The following LRP2 variants were observed in gnomAD, a reference collection of about 807,000 sequenced individuals.
The protein encoded by LRP2 is low-density lipoprotein receptor-related protein 2.
LRP2 carries 172 observed loss-of-function variants against 531.0 expected under a neutral mutation model. That is an observed-to-expected ratio of 0.32 (90% CI 0.29 to 0.37). The LOEUF (loss-of-function observed/expected upper bound fraction) is 0.37. LRP2 is among the 10% of genes least tolerant of loss of function. The pLI is 1.00. For synonymous variants in LRP2, 1,992 were observed against 2,027.6 expected (o/e 0.98, Z 0.47); for missense variants, 5,167 against 5,868.3 (o/e 0.88, Z 3.90).
At chr2:169,140,432 G>A (rs768747806) in intron 72 of LRP2, 23 bp downstream of exon 72, 1 of 1,596,228 alleles carries the variant, frequency 6.3e-7, no homozygotes, top group South Asian at 1.1e-5. Flanking sequence ...GCCTATAGCT[G>A]GGACCTCAAC....
chr2:169,263,414 C>T (rs1471681201), intron 16 of LRP2, among the ~76,000 whole-genome samples: 1 of 151,270 alleles, frequency 6.6e-6, no homozygotes, highest in African/African-American at 2.4e-5. Flanking sequence ...AAACAAACAA[C>T]CCCATCAAAA....
chr2:169,294,343 C>T (rs1047823948), intron 5 of LRP2, 82 bp from the exon 6 acceptor site: 1 of 899,812 alleles, frequency 1.1e-6, no homozygotes, highest in Non-Finnish European at 1.9e-6. Context: ...AAGAGCATCT[C>T]CAGTTTAAAA....
chr2:169,162,646 A>G (rs2105371169), intron 62 of LRP2, 46 bp from the exon 63 acceptor site: 1 of 1,593,048 alleles, frequency 6.3e-7, no homozygotes, highest in Non-Finnish European at 8.6e-7. Flanking sequence ...TCTTTTATGA[A>G]GCAAGATACT....
intron 3 of LRP2, among the ~76,000 whole-genome samples, chr2:169,315,959 C>CAAAAAAAA (rs536458606): frequency 2.6e-3 from 191 of 73,568 alleles, no homozygotes; most frequent in Middle Eastern, 9.3e-3. Context: ...CCCATCTCTA[C>CAAAAAAAA]AAAAAAAAAA....
rs763314996 is a variant in LRP2, at chr2:169,146,953, C to T, written c.12597G>A (p.Met4199Ile). ...AIAVNPKLGL[M>I]FWTDWGKEPK... ...GTTCCTTTCCCCAGTCAGTCCAGAACATAAGCCTATAACAGAAGATTTCTT... is the reference window on the plus strand; with the variant it reads ...GTTCCTTTCCCCAGTCAGTCCAGAATATAAGCCTATAACAGAAGATTTCTT... The change falls in exon 69 of 79, where the codon ATG becomes ATA. Residue 4199 changes from methionine to isoleucine, a missense_variant. Physicochemically the swap from Met to Ile is conservative, Grantham distance 10. Transcript: ENST00000649046. 4 of 1,609,918 alleles carry T rather than the reference C, an allele frequency of 2.5e-6. No individual in the cohort carries two copies. The Admixed American group carries it at 6.7e-5, about 27-fold the overall frequency.
intron 34 of LRP2, among the ~76,000 whole-genome samples, chr2:169,217,915 C>G (rs1449055547): frequency 6.6e-6 from 1 of 152,182 alleles, no homozygotes; most frequent in African/African-American, 2.4e-5. Context: ...TTATCTTTCT[C>G]TAACTTTCCA....
At chr2:169,129,325 A>G (rs1685202702) in intron 77 of LRP2, among the ~76,000 whole-genome samples, 1 of 152,160 alleles carries the variant, frequency 6.6e-6, no homozygotes, top group Non-Finnish European at 1.5e-5. Flanking sequence ...CTTCAAATTT[A>G]TATATTATAG....
At chr2:169,177,658 A>G (rs1202666830) in intron 53 of LRP2, 145 bp downstream of exon 53, 3 of 784,526 alleles carry the variant, frequency 3.8e-6, no homozygotes, top group Non-Finnish European at 7.0e-6. Context: ...ATATTTGCCT[A>G]CTGTCAACTT....
intron 16 of LRP2, among the ~76,000 whole-genome samples, chr2:169,264,771 G>A (rs1690724616): frequency 1.3e-5 from 2 of 152,120 alleles, no homozygotes; most frequent in South Asian, 4.2e-4. Context: ...GAACTAAGGG[G>A]CTCAGATAAA....
At chr2:169,247,250 A>C in intron 20 of LRP2, 128 bp downstream of exon 20, 1 of 1,043,532 alleles carries the variant, frequency 9.6e-7, no homozygotes, top group South Asian at 1.5e-5. Context: ...GATTATGTGA[A>C]CGACAAGAAT....
chr2:169,240,697 A>G (rs1342514051), intron 25 of LRP2: 4 of 566,144 alleles, frequency 7.1e-6, no homozygotes, highest in Admixed American at 6.1e-5. Context: ...CATTACCAAC[A>G]GAACCAAATT....
chr2:169,204,199 A>C lies in LRP2; in HGVS notation c.7788T>G (p.Phe2596Leu). The change falls in exon 42 of 79, where the codon TTT becomes TTG. Residue 2596 changes from phenylalanine to leucine, a missense_variant. Transcript: ENST00000649046. ...TATACTGGCCATAGAGAGTCAAGCC[A>C]AAAGCATGAACGGCTGCATTGACAA... ...EVIVNAAVHAFGLTLYGQYIY... is the reference protein window; with the variant it reads ...EVIVNAAVHALGLTLYGQYIY... The C allele has an allele frequency of 6.2e-7, 1 of 1,614,184 alleles. No individual in the cohort carries two copies. Among genetic ancestry groups the C allele is most frequent in the East Asian group, 2.2e-5 (1 of 44,882 alleles).
At position 169,127,859 on chromosome 2, in the gene LRP2, G is replaced by A. The variant is rs1000394630; in HGVS notation, c.*804C>T. 2 of 152,272 alleles carry A rather than the reference G, an allele frequency of 1.3e-5. No individual in the cohort carries two copies. The highest frequency in any genetic ancestry group is 1.3e-4 in the Admixed American group (2 of 15,266). 9.4% of individuals were successfully genotyped at this position (152,272 alleles called of 1,614,324 possible). On this transcript the variant is annotated 3_prime_UTR_variant, in exon 79 of 79. Coordinates refer to ENST00000649046, the MANE Select transcript of LRP2 (RefSeq NM_004525.3). ...GGTGACCACCTTGAATGTCAGGTGA[G>A]GGGAGAAATTGCTCCAGGGTCCATC... is the stretch of plus-strand genomic sequence containing the variant.
At chr2:169,362,204 G>C in intron 1 of LRP2, 117 bp downstream of exon 1, 1 of 848,816 alleles carries the variant, frequency 1.2e-6, no homozygotes, top group South Asian at 2.0e-5. Flanking sequence ...CAGCTCCCGC[G>C]CCGCCGCCCG....
intron 67 of LRP2, 24 bp downstream of exon 67, chr2:169,152,775 G>T (rs200801347): frequency 6.2e-7 from 1 of 1,613,116 alleles, no homozygotes; most frequent in Admixed American, 1.7e-5. Context: ...GAACAGGTAA[G>T]GGGGGAATGT....
At chr2:169,281,712 A>G (rs1181720448) in intron 10 of LRP2, among the ~76,000 whole-genome samples, 2 of 151,890 alleles carry the variant, frequency 1.3e-5, no homozygotes, top group Non-Finnish European at 2.9e-5. Context: ...AGCGAGACTC[A>G]TTCTCAAAAA....
At chr2:169,211,081 A>G (rs916474109) in intron 37 of LRP2, among the ~76,000 whole-genome samples, 10 of 152,230 alleles carry the variant, frequency 6.6e-5, no homozygotes, top group African/African-American at 2.4e-4. Context: ...ACTTAGATCC[A>G]TAACTTTTTA....
chr2:169,227,013 T>C (rs1689224622), intron 31 of LRP2, among the ~76,000 whole-genome samples: 1 of 152,144 alleles, frequency 6.6e-6, no homozygotes, highest in African/African-American at 2.4e-5. Flanking sequence ...AGACTATTCT[T>C]GTGAAAGGCA....
chr2:169,243,425 A>G lies in LRP2; in HGVS notation c.3528T>C (p.Asp1176=). ...FVCDGDKDCV[D]GSDEVGCVLN... Reference sequence around the variant, plus strand: ...TACCACAACCAACCTCATCAGATCCATCAACACAATCCTTGTCACCATCAC... The same window carrying G: ...TACCACAACCAACCTCATCAGATCCGTCAACACAATCCTTGTCACCATCAC... The change falls in exon 23 of 79, where the codon GAT becomes GAC. Residue 1176 remains aspartate (D), a synonymous_variant. Transcript: ENST00000649046. 6.2e-7 allele frequency: 1 copy of G among 1,614,200 alleles called. No homozygotes were observed. Among genetic ancestry groups the G allele is most frequent in the South Asian group, 1.1e-5 (1 of 91,080 alleles).
Sources: gnomAD v4.1 joint callset for allele counts (sites outside exome capture counted in the v4.1 genomes callset) on GRCh38, gnomAD v4.1.1 for gene constraint, MANE v1.5 for transcripts, NCBI Gene and HGNC (gene_info 2026-07-23, HGNC 2026-07-21) for gene names.